Variants in ATF6 observed in about 807,000 individuals in gnomAD.
ATF6 encodes the protein cyclic AMP-dependent transcription factor ATF-6 alpha.
In ATF6, 53 loss-of-function variants were observed where a neutral mutation model predicts 83.6. The observed-to-expected ratio is 0.63, with a 90% confidence interval of 0.51 to 0.80. ATF6 has a LOEUF of 0.80. ATF6 is among the 30% of genes least tolerant of loss of function. The pLI, the probability that ATF6 is intolerant of heterozygous loss-of-function variation, is 0.00. For missense variants in ATF6, 744 were observed against 797.9 expected (o/e 0.93, Z 0.81); for synonymous variants, 288 against 285.8 (o/e 1.01, Z -0.08).
intron 9 of ATF6, among the ~76,000 whole-genome samples, chr1:161,834,057 C>G (rs1319606778): frequency 1.3e-5 from 2 of 152,220 alleles, no homozygotes; most frequent in Admixed American, 6.5e-5. Flanking sequence ...CAGCTGATCT[C>G]TAGGCAGAAA....
intron 1 of ATF6, among the ~76,000 whole-genome samples, chr1:161,769,749 A>G (rs1161415116): frequency 1.3e-5 from 2 of 151,918 alleles, no homozygotes; most frequent in African/African-American, 2.4e-5. Context: ...AGATTCTCAT[A>G]AGGAGCGTGC....
chr1:161,946,254 C>T (rs779620230), intron 15 of ATF6, among the ~76,000 whole-genome samples: 2 of 152,136 alleles, frequency 1.3e-5, no homozygotes, highest in Non-Finnish European at 2.9e-5. Context: ...TTTGGCCTCC[C>T]GAAGTGCTGG....
chr1:161,958,746 C>A lies in ATF6; in HGVS notation c.*92C>A. ...TGCTGCTTTCTGCCTTGGTGGCAGG[C>A]AGAGAACTGTCTCGTACTAGAATTC... On this transcript the variant is annotated 3_prime_UTR_variant, in exon 16 of 16. Coordinates refer to ENST00000367942, the MANE Select transcript of ATF6 (RefSeq NM_007348.4). 2 of 1,088,144 alleles carry A rather than the reference C, an allele frequency of 1.8e-6. No homozygotes were observed. Among genetic ancestry groups the A allele is most frequent in the Non-Finnish European group, 2.6e-6 (2 of 766,210 alleles). The allele number at this position is 1,088,144 out of a possible 1,614,324, so 67.4% of individuals were successfully genotyped here.
chr1:161,824,602 G>C (rs1040042120), intron 9 of ATF6, among the ~76,000 whole-genome samples: 52 of 152,064 alleles, frequency 3.4e-4, no homozygotes, highest in African/African-American at 1.2e-3. Flanking sequence ...CCAGTGCTTA[G>C]AACAGTGGCT....
chr1:161,933,802 A>G (rs886858529), intron 15 of ATF6, among the ~76,000 whole-genome samples: 5 of 151,588 alleles, frequency 3.3e-5, no homozygotes, highest in African/African-American at 7.3e-5. Context: ...TTAACCTTCC[A>G]CTCCAGCACA....
intron 12 of ATF6, among the ~76,000 whole-genome samples, chr1:161,859,992 C>A (rs934224789): frequency 2.0e-5 from 3 of 151,990 alleles, no homozygotes; most frequent in African/African-American, 7.3e-5. Context: ...ATGGAAAGTG[C>A]CTTAAATGCC....
intron 14 of ATF6, among the ~76,000 whole-genome samples, chr1:161,899,888 A>G (rs1687747235): frequency 6.6e-6 from 1 of 152,194 alleles, no homozygotes; most frequent in African/African-American, 2.4e-5. Context: ...CAGGTTCTCA[A>G]AAAATGTCAT....
intron 14 of ATF6, among the ~76,000 whole-genome samples, chr1:161,880,712 T>C (rs1464151811): frequency 1.3e-5 from 2 of 152,200 alleles, no homozygotes; most frequent in Non-Finnish European, 2.9e-5. Context: ...ACTATTTGTG[T>C]ACAAGTCTTT....
rs149377487 is a variant in ATF6 at position 161,908,374 on chromosome 1, T to C, written c.1720-3922T>C. On this transcript the variant is annotated intron_variant, in intron 14 of 15. Coordinates refer to ENST00000367942, the MANE Select transcript of ATF6 (RefSeq NM_007348.4). Reference sequence around the variant, plus strand: ...AAACGTAACTTTGAAGGCTGTGTTATACACTAATATTCTGTTGGTTTCTAA... The same window carrying C: ...AAACGTAACTTTGAAGGCTGTGTTACACACTAATATTCTGTTGGTTTCTAA... 4.2e-3 allele frequency among the ~76,000 whole-genome samples: 637 copies of C among 152,340 alleles called. 3 individuals carry two copies. The highest frequency in any genetic ancestry group is 0.015 in the African/African-American group (613 of 41,572).
intron 7 of ATF6, among the ~76,000 whole-genome samples, chr1:161,814,761 TGTAC>T (rs1685570601): frequency 1.3e-5 from 2 of 152,182 alleles, no homozygotes; most frequent in Admixed American, 6.5e-5. Context: ...GAAAAATAAG[TGTAC>T]GTAAGATTCT....
At chr1:161,949,165 C>T (rs941616395) in intron 15 of ATF6, among the ~76,000 whole-genome samples, 1 of 152,206 alleles carries the variant, frequency 6.6e-6, no homozygotes, top group African/African-American at 2.4e-5. Flanking sequence ...AGATCACTGT[C>T]ACCCACACCC....
At chr1:161,827,719 G>A (rs753727505) in intron 9 of ATF6, among the ~76,000 whole-genome samples, 8 of 152,086 alleles carry the variant, frequency 5.3e-5, no homozygotes, top group Non-Finnish European at 7.4e-5. Flanking sequence ...AAGGCATTTG[G>A]TGATGAAATA....
At chr1:161,780,724 T>G (rs1011135026) in intron 2 of ATF6, among the ~76,000 whole-genome samples, 3 of 152,018 alleles carry the variant, frequency 2.0e-5, no homozygotes, top group African/African-American at 4.8e-5. Context: ...TTTGTTTTGT[T>G]TCTTTGACAG....
At chr1:161,925,337 C>T (rs1688292016) in intron 15 of ATF6, among the ~76,000 whole-genome samples, 1 of 152,212 alleles carries the variant, frequency 6.6e-6, no homozygotes, top group Non-Finnish European at 1.5e-5. Context: ...ATTGTACCTT[C>T]TGTCAAATAT....
chr1:161,912,817 A>T (rs935412229), intron 15 of ATF6, among the ~76,000 whole-genome samples: 1 of 152,182 alleles, frequency 6.6e-6, no homozygotes, highest in Non-Finnish European at 1.5e-5. Flanking sequence ...AATACTGATG[A>T]GTTTGACACT....
intron 9 of ATF6, among the ~76,000 whole-genome samples, chr1:161,824,315 A>G (rs1452985944): frequency 6.6e-6 from 1 of 151,468 alleles, no homozygotes; most frequent in East Asian, 1.9e-4. Flanking sequence ...CTCAAATACC[A>G]TGTACCCCTG....
intron 7 of ATF6, among the ~76,000 whole-genome samples, chr1:161,817,024 A>G (rs1685629615): frequency 6.6e-6 from 1 of 152,178 alleles, no homozygotes; most frequent in African/African-American, 2.4e-5. Context: ...AGTATTGAAT[A>G]TTTATTTTCA....
At chr1:161,897,795 G>T (rs961857938) in intron 14 of ATF6, among the ~76,000 whole-genome samples, 4 of 152,148 alleles carry the variant, frequency 2.6e-5, no homozygotes, top group African/African-American at 9.7e-5. Flanking sequence ...CGTGTTGAGT[G>T]ATAATATTTT....
intron 7 of ATF6, among the ~76,000 whole-genome samples, chr1:161,808,131 C>T (rs956485629): frequency 2.0e-5 from 3 of 151,938 alleles, no homozygotes; most frequent in Non-Finnish European, 4.4e-5. Flanking sequence ...CCACCTGCCT[C>T]GGCCTCCCAA....
Sources: gnomAD v4.1 joint callset for allele counts (sites outside exome capture counted in the v4.1 genomes callset) on GRCh38, gnomAD v4.1.1 for gene constraint, MANE v1.5 for transcripts, NCBI Gene and HGNC (gene_info 2026-07-23, HGNC 2026-07-21) for gene names.